The following CD177 variants were observed in gnomAD, a reference collection of about 807,000 sequenced individuals.
CD177 encodes the protein CD177 molecule, also known as CD177 antigen.
CD177 carries 41 observed loss-of-function variants against 38.1 expected under a neutral mutation model. The observed-to-expected ratio is 1.07, with a 90% CI of 0.84 to 1.39. CD177 has a LOEUF of 1.39. Among genes scored for constraint, CD177 ranks in the 40% most tolerant of loss-of-function variants. The pLI is 0.00. For missense variants in CD177, 619 were observed against 523.8 expected (o/e 1.18, Z -1.77); for synonymous variants, 236 against 216.7 (o/e 1.09, Z -0.78).
intron 3 of CD177, chr19:43,355,444 T>C (rs1467407299): frequency 1.5e-5 from 8 of 544,898 alleles, no homozygotes; most frequent in Non-Finnish European, 2.4e-5. Context: ...CCTGGGTGCC[T>C]CTACCCAGAC....
At position 43,362,679 on chromosome 19, in the gene CD177, G is replaced by A. The variant is rs1348290875; in HGVS notation, c.*359G>A. 2 of 168,590 alleles carry A rather than the reference G, an allele frequency of 1.2e-5. No homozygotes were observed. The highest frequency in any genetic ancestry group is 2.5e-5 in the Non-Finnish European group (2 of 79,060). 10.4% of individuals were successfully genotyped at this position (168,590 alleles called of 1,614,324 possible). ...ATGAGAAAATGACCATCTAAAGCCT[G>A]CCCTTCATTGGTCTGGTTCACGTCT... On this transcript the variant is annotated 3_prime_UTR_variant, in exon 9 of 9. Transcript: ENST00000618265.
chr19:43,355,844 C>T, intron 4 of CD177, 61 bp downstream of exon 4: 3 of 1,608,870 alleles, frequency 1.9e-6, no homozygotes, highest in South Asian at 2.2e-5. Context: ...GGACTGAGAT[C>T]TTAGGCTTTG....
At position 43,362,325 on chromosome 19, in the gene CD177, A is replaced by C. The variant is rs370548435; in HGVS notation, c.*5A>C. 7.3e-7 allele frequency: 1 copy of C among 1,375,248 alleles called. No homozygotes were observed. Among genetic ancestry groups the C allele is most frequent in the South Asian group, 1.2e-5 (1 of 80,428 alleles). The allele number at this position is 1,375,248 out of a possible 1,614,324, so 85.2% of individuals were successfully genotyped here. A position where few individuals can be genotyped will look rare whatever the true frequency, so the allele number is the denominator to read the frequency against. On this transcript the variant is annotated 3_prime_UTR_variant, in exon 9 of 9. Transcript: ENST00000618265. ...GTGGTTTGCCCTTCCTGCTAACTCT[A>C]TTACCCCCACGATTCTTCACCGCTG... is the stretch of plus-strand genomic sequence containing the variant.
Position 43,354,456 on chromosome 19 carries a change from G to A in CD177, c.379+64G>A, listed in dbSNP as rs774346740. 3.2e-6 allele frequency: 5 copies of A among 1,565,058 alleles called. No individual in the cohort carries two copies. The South Asian group carries it at 5.6e-5, about 17-fold the overall frequency. On this transcript the variant is annotated intron_variant, in intron 3 of 8. Transcript: ENST00000618265. ...TAGAAGGGGATCCGCTGAGCACAGA[G>A]GGGCTGTTACGGAGTCCCTCCCACC...
chr19:43,362,071 T>G lies in CD177; in HGVS notation c.1082-17T>G, dbSNP rs770112355. 30 of 1,609,276 alleles carry G rather than the reference T, an allele frequency of 1.9e-5. No homozygotes were observed. The highest frequency in any genetic ancestry group is 2.5e-5 in the Non-Finnish European group (29 of 1,176,152). ...GCTGTACTCTGTGTCCTTTCTGACTTGGTCTTCTCCCTCTAGGTGGGCTGT... is the reference window on the plus strand; with the variant it reads ...GCTGTACTCTGTGTCCTTTCTGACTGGGTCTTCTCCCTCTAGGTGGGCTGT... On this transcript the variant is annotated splice_polypyrimidine_tract_variant and intron_variant, in intron 8 of 8. Transcript: ENST00000618265.
In CD177 at chr19:43,362,226, G is replaced by C; in HGVS notation, c.1220G>C (p.Gly407Ala). The change falls in exon 9 of 9, where the codon GGA (glycine) becomes GCA (alanine). Residue 407 changes from glycine (G) to alanine (A), a missense_variant. Transcript: ENST00000618265. Reference sequence around the variant, plus strand: ...CAGCCTCCTGCCTCTCAGCATGAGGGAGGTGGGGCTGAGGGCCTGGAGTCT... The same window carrying C: ...CAGCCTCCTGCCTCTCAGCATGAGGCAGGTGGGGCTGAGGGCCTGGAGTCT... ...DVQPPASQHEGGGAEGLESLT... is the reference protein window; with the variant it reads ...DVQPPASQHEAGGAEGLESLT... 6.2e-7 allele frequency: 1 copy of C among 1,610,614 alleles called. No individual in the cohort carries two copies.
chr19:43,364,464 A>G (rs1970013109), downstream of CD177, among the ~76,000 whole-genome samples: 2 of 152,072 alleles, frequency 1.3e-5, no homozygotes, highest in South Asian at 4.2e-4. Context: ...GGCCCTGGCC[A>G]AGGAAATGTT....
chr19:43,363,256 T>C (rs1027925906), downstream of CD177: 1 of 152,196 alleles, frequency 6.6e-6, no homozygotes, highest in Admixed American at 6.5e-5. Context: ...CATGAGGGCT[T>C]GAGAGAACTC....
rs201215682 is a variant in CD177 at position 43,362,183 on chromosome 19, C to T, written c.1177C>T (p.Arg393Cys). 2.0e-4 allele frequency: 326 copies of T among 1,613,504 alleles called. No homozygotes were observed. Among genetic ancestry groups the T allele is most frequent in the Non-Finnish European group, 2.5e-4 (296 of 1,179,640 alleles). Residue 393 changes from arginine to cysteine, a missense_variant, in exon 9 of 9, where the codon CGT (arginine) becomes TGT (cysteine). Physicochemically the swap from Arg to Cys is radical, Grantham distance 180 (BLOSUM62 -3). Coordinates refer to ENST00000618265, the MANE Select transcript of CD177 (RefSeq NM_020406.4). ...HTRQIGIFSA[R>C]EKRDVQPPAS... ...CAGACAAATCGGGATCTTCTCTGCG[C>T]GTGAGAAGCGTGATGTGCAGCCTCC...
chr19:43,360,528 G>C, intron 6 of CD177, 123 bp downstream of exon 6: 4 of 962,466 alleles, frequency 4.2e-6, no homozygotes, highest in Non-Finnish European at 6.0e-6. Context: ...TTTTCAATCC[G>C]ACTCTTCTTC....
downstream of CD177, among the ~76,000 whole-genome samples, chr19:43,363,399 T>G (rs536013258): frequency 3.0e-3 from 451 of 151,026 alleles, no homozygotes; most frequent in Non-Finnish European, 5.1e-3. Flanking sequence ...GAGAGAGACA[T>G]AGACAGAAAG....
At position 43,362,243 on chromosome 19, in the gene CD177, C is replaced by A; in HGVS notation, c.1237C>A (p.Leu413Met). Residue 413 changes from leucine to methionine, a missense_variant, in exon 9 of 9, where the codon CTG becomes ATG. Physicochemically the swap from Leu to Met is conservative, Grantham distance 15. Transcript: ENST00000618265. ...GCATGAGGGAGGTGGGGCTGAGGGCCTGGAGTCTCTCACTTGGGGGGTGGG... is the reference window on the plus strand; with the variant it reads ...GCATGAGGGAGGTGGGGCTGAGGGCATGGAGTCTCTCACTTGGGGGGTGGG... ...SQHEGGGAEG[L>M]ESLTWGVGLA... 6.2e-7 allele frequency: 1 copy of A among 1,611,216 alleles called. No homozygotes were observed.
At chr19:43,354,110 C>G (rs973817910) in intron 2 of CD177, 97 bp from the exon 3 acceptor site, 88 of 1,562,332 alleles carry the variant, frequency 5.6e-5, no homozygotes, top group Non-Finnish European at 7.1e-5. Context: ...CGGTGATCCC[C>G]TTTCCAGCCT....
At chr19:43,364,094 T>C (rs1223219016), downstream of CD177, among the ~76,000 whole-genome samples, 1 of 151,356 alleles carries the variant, frequency 6.6e-6, no homozygotes, top group Non-Finnish European at 1.5e-5. Context: ...GGGGGAAAAA[T>C]AAATCAGAGT....
chr19:43,360,107 G>A (rs561418524), intron 5 of CD177, among the ~76,000 whole-genome samples, 158 bp from the exon 6 acceptor site: 48 of 151,966 alleles, frequency 3.2e-4, no homozygotes, highest in African/African-American at 1.1e-3. Context: ...GTGGGATTTC[G>A]ACTCCCAAGT....
In CD177 at chr19:43,353,918, C is replaced by T. The variant is rs750739565; in HGVS notation, c.118C>T (p.Arg40Trp). The change falls in exon 2 of 9, where the codon CGG becomes TGG. Residue 40 changes from arginine to tryptophan, a missense_variant. Arg to Trp is a moderately radical substitution (Grantham distance 101). Transcript: ENST00000618265. ...TGTGTGGAAGGTGTCCGACCTGCCC[C>T]GGCAATGGACCCCTAAGAACACCAG... ...QHVWKVSDLP[R>W]QWTPKNTSCD... 16 of 1,613,770 alleles carry T rather than the reference C, an allele frequency of 9.9e-6. No homozygotes were observed. Among genetic ancestry groups the T allele is most frequent in the African/African-American group, 1.3e-5 (1 of 74,876 alleles).
chr19:43,354,083 ATCGACTCCTAGGGTCCCGG>A, intron 2 of CD177, 90 bp downstream of exon 2: 1 of 1,568,172 alleles, frequency 6.4e-7, no homozygotes, highest in Non-Finnish European at 8.7e-7. Context: ...CCTCCGGGGG[ATCGACTCCTAGGGTCCCGG>A]TGATCCCCTT....
intron 3 of CD177, among the ~76,000 whole-genome samples, chr19:43,355,107 T>TTC (rs1969906123): frequency 1.1e-5 from 1 of 92,460 alleles, no homozygotes; most frequent in African/African-American, 5.4e-5. Flanking sequence ...TTCTTTTCTT[T>TTC]TTTTTTTTTT....
intron 3 of CD177, among the ~76,000 whole-genome samples, chr19:43,355,144 C>T (rs1442783479): frequency 7.9e-6 from 1 of 126,426 alleles, no homozygotes; most frequent in Non-Finnish European, 1.6e-5. Context: ...GAAAGCGTCT[C>T]GCTGTGTCGA....
Sources: allele counts gnomAD v4.1 joint callset (sites outside exome capture counted in the v4.1 genomes callset), GRCh38; gene constraint gnomAD v4.1.1; transcripts MANE v1.5; gene names NCBI Gene and HGNC (gene_info 2026-07-23, HGNC 2026-07-21).